SPATA17: variants seen among roughly 807,000 people sequenced by gnomAD.
SPATA17 encodes the protein spermatogenesis associated 17.
Under a neutral mutation model 62.2 loss-of-function variants are expected in SPATA17, and 53 were observed. The ratio of observed to expected loss-of-function variants is 0.85; its 90% CI spans 0.68 to 1.07. SPATA17 has a LOEUF of 1.07. Ranked by LOEUF, SPATA17 falls within the 50% of genes least tolerant of loss-of-function variation. The pLI, the probability that SPATA17 is intolerant of heterozygous loss-of-function variation, is 0.00. For missense variants in SPATA17, 466 were observed against 425.5 expected, an observed-to-expected ratio of 1.10 and a Z score of -0.84; for synonymous variants, 146 against 146.8, an observed-to-expected ratio of 0.99 and a Z score of 0.04.
chr1:217,663,899 G>A (rs975112589), intron 3 of SPATA17, among the ~76,000 whole-genome samples: 14 of 151,922 alleles, frequency 9.2e-5, no homozygotes, highest in South Asian at 4.1e-4. Context: ...TGGTATGTTC[G>A]TATAACAAAA....
At chr1:217,715,500 A>G (rs1011640924) in intron 5 of SPATA17, among the ~76,000 whole-genome samples, 27 of 152,164 alleles carry the variant, frequency 1.8e-4, no homozygotes, top group African/African-American at 6.5e-4. Flanking sequence ...ATGCATTATC[A>G]GCCTTTTCAT....
chr1:217,808,275 C>T (rs1395793130), intron 9 of SPATA17, among the ~76,000 whole-genome samples: 1 of 151,800 alleles, frequency 6.6e-6, no homozygotes, highest in Non-Finnish European at 1.5e-5. Context: ...GCATTTTAAC[C>T]TTCTTTAGCT....
At chr1:217,740,614 T>G (rs1672606394) in intron 5 of SPATA17, among the ~76,000 whole-genome samples, 1 of 152,136 alleles carries the variant, frequency 6.6e-6, no homozygotes, top group African/African-American at 2.4e-5. Flanking sequence ...ACAAATTTGT[T>G]TGGCTTTACC....
chr1:217,802,512 G>A (rs1674338601), intron 9 of SPATA17, among the ~76,000 whole-genome samples: 1 of 152,058 alleles, frequency 6.6e-6, no homozygotes, highest in South Asian at 2.1e-4. Flanking sequence ...TTCTGGTGAG[G>A]CCTTTCTTCC....
intron 4 of SPATA17, among the ~76,000 whole-genome samples, chr1:217,671,329 G>A (rs1670827262): frequency 6.6e-6 from 1 of 152,162 alleles, no homozygotes; most frequent in Non-Finnish European, 1.5e-5. Flanking sequence ...AAGATTCTCT[G>A]ATCTACTATT....
At chr1:217,659,494 T>C (rs1670519060) in intron 3 of SPATA17, among the ~76,000 whole-genome samples, 1 of 152,162 alleles carries the variant, frequency 6.6e-6, no homozygotes, top group Admixed American at 6.5e-5. Context: ...AAATAGTTTT[T>C]ACAATCATTG....
chr1:217,763,196 A>T (rs1206571565), intron 6 of SPATA17, among the ~76,000 whole-genome samples: 1 of 152,206 alleles, frequency 6.6e-6, no homozygotes, highest in African/African-American at 2.4e-5. Flanking sequence ...GGAGATAGAC[A>T]TTATAAAACA....
At chr1:217,707,345 T>A (rs1405028573) in intron 5 of SPATA17, among the ~76,000 whole-genome samples, 1 of 152,214 alleles carries the variant, frequency 6.6e-6, no homozygotes, top group Non-Finnish European at 1.5e-5. Flanking sequence ...TGGGATTTTC[T>A]TGGTGTAGAA....
chr1:217,686,500 A>G (rs1440804982), intron 5 of SPATA17, among the ~76,000 whole-genome samples: 3 of 152,066 alleles, frequency 2.0e-5, no homozygotes, highest in Non-Finnish European at 4.4e-5. Context: ...TGTTAGGCTT[A>G]TCTATATTTT....
intron 6 of SPATA17, among the ~76,000 whole-genome samples, chr1:217,762,213 T>G (rs1164162092): frequency 6.6e-6 from 1 of 152,190 alleles, no homozygotes; most frequent in East Asian, 1.9e-4. Context: ...TTTTCACACC[T>G]TTAGCTATTT....
At chr1:217,633,279 A>G (rs1468252821) in intron 1 of SPATA17, among the ~76,000 whole-genome samples, 2 of 152,150 alleles carry the variant, frequency 1.3e-5, no homozygotes, top group Non-Finnish European at 2.9e-5. Flanking sequence ...AACAACCAGT[A>G]TTTTTTGAGG....
intron 5 of SPATA17, among the ~76,000 whole-genome samples, chr1:217,741,641 G>A (rs1672627598): frequency 6.6e-6 from 1 of 151,938 alleles, no homozygotes; most frequent in Non-Finnish European, 1.5e-5. Context: ...GCTTTCTTGG[G>A]ATATTTAAGT....
chr1:217,733,843 A>T lies in SPATA17; in HGVS notation c.396-8132A>T, dbSNP rs545753950. Among the ~76,000 whole-genome samples the T allele has an allele frequency of 4.6e-5, 7 of 152,302 alleles. No individual in the cohort carries two copies. The South Asian group carries it at 1.4e-3, about 32-fold the overall frequency. On this transcript the variant is annotated intron_variant, in intron 5 of 10. Transcript: ENST00000366933. ...AGTTTCAACTCTATATTTCAGAATA[A>T]GGTGTGAAACTCAGGCGCAACCTGA...
At chr1:217,689,911 T>C (rs2102911090) in intron 5 of SPATA17, among the ~76,000 whole-genome samples, 1 of 152,010 alleles carries the variant, frequency 6.6e-6, no homozygotes, top group Admixed American at 6.5e-5. Flanking sequence ...CTTTTTCTTT[T>C]TTTTTTTTTG....
At chr1:217,845,677 T>C (rs757297408) in intron 9 of SPATA17, among the ~76,000 whole-genome samples, 4 of 152,108 alleles carry the variant, frequency 2.6e-5, no homozygotes, top group Non-Finnish European at 4.4e-5. Flanking sequence ...AGAAATTCAA[T>C]TTTAACGCTC....
chr1:217,805,073 C>T (rs764509649), intron 9 of SPATA17, among the ~76,000 whole-genome samples: 1 of 152,146 alleles, frequency 6.6e-6, no homozygotes, highest in Non-Finnish European at 1.5e-5. Flanking sequence ...GAAGAGATAT[C>T]TGCAGCCCCA....
chr1:217,764,637 A>T (rs1673254124), intron 6 of SPATA17, among the ~76,000 whole-genome samples: 2 of 152,148 alleles, frequency 1.3e-5, no homozygotes, highest in Non-Finnish European at 2.9e-5. Context: ...TTTTGTAAAA[A>T]ACTGTCAAAC....
At chr1:217,811,127 A>G (rs1038825526) in intron 9 of SPATA17, among the ~76,000 whole-genome samples, 3 of 152,096 alleles carry the variant, frequency 2.0e-5, no homozygotes, top group African/African-American at 7.2e-5. Flanking sequence ...TCTGCCTCCC[A>G]AGCTCAAGTG....
In SPATA17 at chr1:217,867,764, A is replaced by G. The variant is rs1249008471; in HGVS notation, c.*745A>G. 6.6e-6 allele frequency: 1 copy of G among 152,168 alleles called. No homozygotes were observed. The highest frequency in any genetic ancestry group is 2.4e-5 in the African/African-American group (1 of 41,442). The allele number at this position is 152,168 out of a possible 1,614,324, so 9.4% of individuals were successfully genotyped here. ...TTAACTCAACATTTGAGGTTCCTAT[A>G]TCCTTTAATCCCATCCCATGTGTAT... On this transcript the variant is annotated 3_prime_UTR_variant, in exon 11 of 11. Coordinates refer to ENST00000366933, the MANE Select transcript of SPATA17 (RefSeq NM_138796.4).
Sources: allele counts gnomAD v4.1 joint callset (sites outside exome capture counted in the v4.1 genomes callset), GRCh38; gene constraint gnomAD v4.1.1; transcripts MANE v1.5; gene names NCBI Gene and HGNC (gene_info 2026-07-23, HGNC 2026-07-21).